Variants in PTPN4 observed in about 807,000 individuals in gnomAD.
PTPN4 encodes tyrosine-protein phosphatase non-receptor type 4.
In PTPN4, 49 loss-of-function variants were observed where a neutral mutation model predicts 135.5. The ratio of observed to expected loss-of-function variants is 0.36; its 90% CI spans 0.29 to 0.46. The LOEUF is 0.46. Ranked by LOEUF, PTPN4 falls within the 20% of genes least tolerant of loss-of-function variation. PTPN4 has a pLI of 1.00. For missense variants in PTPN4, 860 were observed against 1,101.0 expected, an observed-to-expected ratio of 0.78 and a Z score of 3.10; for synonymous variants, 333 against 369.9, an observed-to-expected ratio of 0.90 and a Z score of 1.14.
chr2:119,869,041 A>C (rs1248502093), intron 3 of PTPN4, among the ~76,000 whole-genome samples: 1 of 152,230 alleles, frequency 6.6e-6, no homozygotes, highest in Non-Finnish European at 1.5e-5. Flanking sequence ...CCTTGTATAC[A>C]AATGTTCACA....
chr2:119,880,586 C>T (rs545079538), intron 5 of PTPN4, among the ~76,000 whole-genome samples: 1 of 151,820 alleles, frequency 6.6e-6, no homozygotes, highest in Admixed American at 6.6e-5. Context: ...CCTGCCATCA[C>T]GCCTGGCTAA....
At chr2:119,760,666 A>C (rs976371693) in intron 1 of PTPN4, among the ~76,000 whole-genome samples, 1 of 149,610 alleles carries the variant, frequency 6.7e-6, no homozygotes, top group Non-Finnish European at 1.5e-5. Context: ...CGGAGATGGA[A>C]TGTTCCCAGT....
chr2:119,820,883 A>ATGTG (rs35898780), intron 2 of PTPN4, among the ~76,000 whole-genome samples: 1 of 141,972 alleles, frequency 7.0e-6, no homozygotes, highest in Non-Finnish European at 1.5e-5. Context: ...ACATACACAC[A>ATGTG]TGTGTGTGTA....
At chr2:119,892,125 T>G (rs1678249305) in intron 9 of PTPN4, among the ~76,000 whole-genome samples, 1 of 152,318 alleles carries the variant, frequency 6.6e-6, no homozygotes, top group Non-Finnish European at 1.5e-5. Flanking sequence ...TGAACAATTA[T>G]GGGTATATCA....
At chr2:119,902,266 T>G (rs1315171149) in intron 10 of PTPN4, among the ~76,000 whole-genome samples, 1 of 152,114 alleles carries the variant, frequency 6.6e-6, no homozygotes, top group Non-Finnish European at 1.5e-5. Flanking sequence ...GAAACTGGAG[T>G]GAAATATTTT....
Position 119,830,076 on chromosome 2 carries a change from T to G in PTPN4, c.138+20085T>G, listed in dbSNP as rs115080330. Among the ~76,000 whole-genome samples, 501 of 152,282 alleles carry G rather than the reference T, an allele frequency of 3.3e-3. 2 individuals carry two copies. Among genetic ancestry groups the G allele is most frequent in the African/African-American group, 0.011 (474 of 41,566 alleles). On this transcript the variant is annotated intron_variant, in intron 2 of 26. Transcript: ENST00000263708. Reference sequence around the variant, plus strand: ...ACACTATTTTTGAGACTGCAGTCATTTACTGCATAATAATGTTTCATGGGC... The same window carrying G: ...ACACTATTTTTGAGACTGCAGTCATGTACTGCATAATAATGTTTCATGGGC...
rs983323440 is a variant in PTPN4 at position 119,981,899 on chromosome 2, A to G, written c.*4829A>G. 6.6e-6 allele frequency: 1 copy of G among 152,264 alleles called. No individual in the cohort carries two copies. Among genetic ancestry groups the G allele is most frequent in the African/African-American group, 2.4e-5 (1 of 41,574 alleles). The allele number at this position is 152,264 out of a possible 1,614,324, so 9.4% of individuals were successfully genotyped here. On this transcript the variant is annotated 3_prime_UTR_variant, in exon 27 of 27. Transcript: ENST00000263708. ...GTATGTTTTTCTACTGTAGTATGCT[A>G]TTGATTTCTGAAGTTATAATCATAA...
At chr2:119,774,792 C>T (rs1465721154) in intron 1 of PTPN4, among the ~76,000 whole-genome samples, 4 of 151,838 alleles carry the variant, frequency 2.6e-5, no homozygotes, top group African/African-American at 4.8e-5. Flanking sequence ...TTTGGGAGGC[C>T]GAGGCGGGCA....
intron 1 of PTPN4, among the ~76,000 whole-genome samples, chr2:119,761,573 G>GT (rs1165390443): frequency 1.4e-4 from 22 of 152,156 alleles, no homozygotes; most frequent in Admixed American, 1.2e-3. Flanking sequence ...GGACATCACT[G>GT]TTTTTTTGTT....
At chr2:119,778,527 G>A (rs909989134) in intron 1 of PTPN4, among the ~76,000 whole-genome samples, 6 of 152,148 alleles carry the variant, frequency 3.9e-5, no homozygotes, top group Non-Finnish European at 8.8e-5. Flanking sequence ...TATATTGAAG[G>A]CATAGGTTTA....
intron 26 of PTPN4, 152 bp from the exon 27 acceptor site, chr2:119,976,832 T>G: frequency 7.2e-7 from 1 of 1,382,644 alleles, no homozygotes; most frequent in Non-Finnish European, 9.5e-7. Flanking sequence ...TTAACCAGTC[T>G]AGACTGTTAG....
At chr2:119,808,510 T>G (rs1285219494) in intron 1 of PTPN4, among the ~76,000 whole-genome samples, 1 of 152,142 alleles carries the variant, frequency 6.6e-6, no homozygotes, top group East Asian at 1.9e-4. Flanking sequence ...GGAATCCAAC[T>G]TACAAGGGAT....
At chr2:119,844,983 G>A (rs1411127044) in intron 2 of PTPN4, among the ~76,000 whole-genome samples, 1 of 150,540 alleles carries the variant, frequency 6.6e-6, no homozygotes, top group Non-Finnish European at 1.5e-5. Context: ...GAGTGAACGA[G>A]ACTCCATCTG....
chr2:119,931,439 T>C (rs967922172), intron 13 of PTPN4, among the ~76,000 whole-genome samples: 3 of 140,698 alleles, frequency 2.1e-5, no homozygotes, highest in African/African-American at 7.8e-5. Context: ...CTTTCTTTTT[T>C]TTTTTTTTTT....
intron 2 of PTPN4, among the ~76,000 whole-genome samples, chr2:119,824,456 C>T (rs1173774940): frequency 6.6e-6 from 1 of 152,198 alleles, no homozygotes; most frequent in Non-Finnish European, 1.5e-5. Flanking sequence ...GCAGGGATTA[C>T]AGGCACACGG....
chr2:119,764,836 A>G (rs1256916458), intron 1 of PTPN4, among the ~76,000 whole-genome samples: 1 of 152,164 alleles, frequency 6.6e-6, no homozygotes, highest in Non-Finnish European at 1.5e-5. Context: ...TCACCACCAT[A>G]ATAGCTATTT....
chr2:119,782,886 T>A (rs1690969792), intron 1 of PTPN4, among the ~76,000 whole-genome samples: 1 of 140,492 alleles, frequency 7.1e-6, no homozygotes, highest in African/African-American at 2.7e-5. Flanking sequence ...AAAAAAAAAA[T>A]GTGTAGAGAC....
In PTPN4 at chr2:119,759,986, T is replaced by G; in HGVS notation, c.-416T>G. ...CGCTCCTCGCGCCCCACCACCAACATTGTTCTCTCAGGACTCCTGGGTCCC... is the reference window on the plus strand; with the variant it reads ...CGCTCCTCGCGCCCCACCACCAACAGTGTTCTCTCAGGACTCCTGGGTCCC... On this transcript the variant is annotated 5_prime_UTR_variant, in exon 1 of 27. Coordinates refer to ENST00000263708, the MANE Select transcript of PTPN4 (RefSeq NM_002830.4). The G allele has an allele frequency of 5.7e-5, 21 of 370,254 alleles. No individual in the cohort carries two copies. The highest frequency in any genetic ancestry group is 1.6e-4 in the East Asian group (4 of 25,306). The allele number at this position is 370,254 out of a possible 1,614,324, so 22.9% of individuals were successfully genotyped here. A position where few individuals can be genotyped will look rare whatever the true frequency, so the allele number is the denominator to read the frequency against.
At chr2:119,876,368 G>C (rs1574382545) in intron 3 of PTPN4, among the ~76,000 whole-genome samples, 1 of 152,148 alleles carries the variant, frequency 6.6e-6, no homozygotes, top group South Asian at 2.1e-4. Context: ...ATGATAAATT[G>C]ATAAATTCTA....
Sources: gnomAD v4.1 joint callset for allele counts (sites outside exome capture counted in the v4.1 genomes callset) on GRCh38, gnomAD v4.1.1 for gene constraint, MANE v1.5 for transcripts, NCBI Gene and HGNC (gene_info 2026-07-23, HGNC 2026-07-21) for gene names.